The following TUT4 variants were observed in gnomAD, a reference collection of about 807,000 sequenced individuals.
TUT4 encodes the protein terminal uridylyltransferase 4.
A neutral mutation model predicts 192.2 loss-of-function variants in TUT4; 36 were observed. The observed-to-expected ratio is 0.19, with a 90% CI of 0.14 to 0.25. The LOEUF (loss-of-function observed/expected upper bound fraction) is 0.25. Ranked by LOEUF, TUT4 falls within the 10% of genes least tolerant of loss-of-function variation. The probability of loss-of-function intolerance (pLI) is 1.00; values close to 1 mark genes in which losing one functional copy is unlikely to be tolerated. For synonymous variants in TUT4, 618 were observed against 666.0 expected (o/e 0.93, Z 1.11); for missense variants, 1,493 against 1,957.2 (o/e 0.76, Z 4.47).
chr1:52,431,468 CA>C lies in TUT4; in HGVS notation c.4264-9del, dbSNP rs753559849. The C allele has an allele frequency of 1.2e-3, 1,752 of 1,401,878 alleles. No homozygotes were observed. Among genetic ancestry groups the C allele is most frequent in the South Asian group, 3.2e-3 (196 of 61,628 alleles). 86.8% of individuals were successfully genotyped at this position (1,401,878 alleles called of 1,614,324 possible). A position where few individuals can be genotyped will look rare whatever the true frequency, so the allele number is the denominator to read the frequency against. The stretch of plus-strand genomic sequence containing the variant: ...ATAAGATGGTGATTCAGACTGCAGA[CA>C]AAAAAAAAATTTTTTTTAATTAATT... On this transcript the variant is annotated splice_polypyrimidine_tract_variant and intron_variant, in intron 27 of 29. Transcript: ENST00000257177.
intron 24 of TUT4, among the ~76,000 whole-genome samples, chr1:52,444,032 T>C (rs1374795441): frequency 6.6e-6 from 1 of 152,172 alleles, no homozygotes; most frequent in African/African-American, 2.4e-5. Context: ...GGTCAGGAGA[T>C]TGAGACCATC....
Position 52,431,135 on chromosome 1 carries a change from C to T in TUT4, c.4589G>A (p.Ser1530Asn), listed in dbSNP as rs1465768314. 1 of 1,614,094 alleles carries T rather than the reference C, an allele frequency of 6.2e-7. No homozygotes were observed. Among genetic ancestry groups the T allele is most frequent in the Admixed American group, 1.7e-5 (1 of 60,000 alleles). Residue 1530 changes from serine to asparagine, a missense_variant, in exon 28 of 30, where the codon AGC becomes AAC. Physicochemically the swap from Ser to Asn is conservative, Grantham distance 46. Transcript: ENST00000257177. The stretch of plus-strand genomic sequence containing the variant: ...GGCAGCAGGCTGTGCAAAGATGATG[C>T]TGGGATCATTTAGGCCAATATTGCT... Reference protein sequence around the residue: ...APSNIGLNDPSIIFAQPAARP... With the variant: ...APSNIGLNDPNIIFAQPAARP...
chr1:52,444,502 C>T (rs1656765611), intron 24 of TUT4, among the ~76,000 whole-genome samples: 1 of 151,886 alleles, frequency 6.6e-6, no homozygotes, highest in African/African-American at 2.4e-5. Context: ...AATGTAAATG[C>T]ACGTTTGTTG....
intron 20 of TUT4, 36 bp downstream of exon 20, chr1:52,458,299 CA>C (rs749490772): frequency 2.0e-5 from 31 of 1,513,054 alleles, no homozygotes; most frequent in East Asian, 4.5e-5. Flanking sequence ...CTATTGTTTT[CA>C]AAAAAAACTC....
intron 9 of TUT4, among the ~76,000 whole-genome samples, chr1:52,484,710 G>A (rs1669365988): frequency 6.6e-6 from 1 of 151,866 alleles, no homozygotes; most frequent in African/African-American, 2.4e-5. Flanking sequence ...ATTCTATTCT[G>A]TTCCACAGAT....
intron 20 of TUT4, among the ~76,000 whole-genome samples, chr1:52,447,735 C>A (rs1392777819): frequency 1.3e-5 from 2 of 152,186 alleles, no homozygotes; most frequent in African/African-American, 4.8e-5. Context: ...TAATTTCTAG[C>A]CTCTATCCTG....
chr1:52,480,392 G>A (rs184129676), intron 11 of TUT4, among the ~76,000 whole-genome samples: 126 of 152,290 alleles, frequency 8.3e-4, no homozygotes, highest in South Asian at 2.5e-3. Context: ...AAATGACCAC[G>A]GGATTTAGTA....
chr1:52,511,091 C>G (rs1277497098), intron 3 of TUT4, among the ~76,000 whole-genome samples: 1 of 152,160 alleles, frequency 6.6e-6, no homozygotes, highest in Non-Finnish European at 1.5e-5. Flanking sequence ...GAAACTTGCT[C>G]CAAATTTAGC....
chr1:52,479,452 G>A lies in TUT4; in HGVS notation c.1849-1570C>T, dbSNP rs1667924773. On this transcript the variant is annotated intron_variant, in intron 11 of 29. Coordinates refer to ENST00000257177, the MANE Select transcript of TUT4 (RefSeq NM_001009881.3). The stretch of plus-strand genomic sequence containing the variant: ...TGGCTAGGACCAGGAAGGTAACAGT[G>A]GAGGTAGTGAGAGGTAATCAAATTC... 2.6e-5 allele frequency among the ~76,000 whole-genome samples: 4 copies of A among 152,146 alleles called. No individual in the cohort carries two copies. The South Asian group carries it at 8.3e-4, about 32-fold the overall frequency.
chr1:52,536,750 A>T (rs759984536), intron 1 of TUT4, among the ~76,000 whole-genome samples: 9 of 152,208 alleles, frequency 5.9e-5, no homozygotes, highest in Admixed American at 3.9e-4. Flanking sequence ...GCTACTTGGG[A>T]GGCTGAGGCA....
chr1:52,503,994 T>TATA (rs1674848809), intron 4 of TUT4, among the ~76,000 whole-genome samples: 1 of 152,228 alleles, frequency 6.6e-6, no homozygotes, highest in Non-Finnish European at 1.5e-5. Context: ...TCCAGATCCT[T>TATA]ATATTCAAAT....
chr1:52,470,204 C>T (rs909150108), intron 14 of TUT4, among the ~76,000 whole-genome samples: 5 of 152,046 alleles, frequency 3.3e-5, no homozygotes, highest in African/African-American at 1.2e-4. Flanking sequence ...AAAAACCACA[C>T]ACTGATGGAT....
At chr1:52,446,064 T>C in intron 22 of TUT4, 60 bp from the exon 23 acceptor site, 2 of 1,505,924 alleles carry the variant, frequency 1.3e-6, no homozygotes, top group Non-Finnish European at 1.8e-6. Context: ...AAAATATACT[T>C]AGAAGTCACC....
intron 28 of TUT4, among the ~76,000 whole-genome samples, chr1:52,430,502 C>T (rs908452007): frequency 1.2e-4 from 18 of 152,110 alleles, no homozygotes; most frequent in African/African-American, 3.9e-4. Context: ...AGGCTGGTCT[C>T]GAACTCCTGA....
chr1:52,448,297 A>T (rs1658190893), intron 20 of TUT4, among the ~76,000 whole-genome samples: 1 of 152,144 alleles, frequency 6.6e-6, no homozygotes, highest in Admixed American at 6.6e-5. Flanking sequence ...AACAAAAGTG[A>T]AAGACTGAGG....
intron 3 of TUT4, chr1:52,515,083 TTG>T (rs1678371401): frequency 6.6e-6 from 1 of 152,280 alleles, no homozygotes; most frequent in African/African-American, 2.4e-5. Flanking sequence ...TGGCCGTGAT[TTG>T]TGATTCTTTC....
intron 2 of TUT4, among the ~76,000 whole-genome samples, chr1:52,524,528 A>G (rs1681186982): frequency 6.6e-6 from 1 of 151,216 alleles, no homozygotes; most frequent in Non-Finnish European, 1.5e-5. Context: ...CATCTCAAAA[A>G]AAAAAAAACT....
intron 1 of TUT4, among the ~76,000 whole-genome samples, chr1:52,533,413 G>A (rs1374431191): frequency 1.3e-5 from 2 of 152,146 alleles, no homozygotes; most frequent in African/African-American, 2.4e-5. Flanking sequence ...TTCATTGACA[G>A]AACTATAAAT....
intron 2 of TUT4, among the ~76,000 whole-genome samples, chr1:52,520,178 A>C (rs1679863604): frequency 6.6e-6 from 1 of 152,182 alleles, no homozygotes; most frequent in Admixed American, 6.5e-5. Context: ...GAGCAGAGAG[A>C]AAGGGTGAGA....
Sources: gnomAD v4.1 joint callset for allele counts (sites outside exome capture counted in the v4.1 genomes callset) on GRCh38, gnomAD v4.1.1 for gene constraint, MANE v1.5 for transcripts, NCBI Gene and HGNC (gene_info 2026-07-23, HGNC 2026-07-21) for gene names.